Variants in OXR1 observed in about 807,000 individuals in gnomAD.
OXR1 encodes oxidation resistance 1.
Under a neutral mutation model 104.6 loss-of-function variants are expected in OXR1, and 41 were observed. The observed-to-expected ratio is 0.39, with a 90% CI of 0.31 to 0.51. The LOEUF is 0.51. Among genes scored for constraint, OXR1 ranks in the 20% least tolerant of loss-of-function variants. The pLI, the probability that OXR1 is intolerant of heterozygous loss-of-function variation, is 0.77. For missense variants in OXR1, 955 were observed against 1,031.9 expected (o/e 0.93, Z 1.02); for synonymous variants, 348 against 348.4 (o/e 1.00, Z 0.01).
Position 106,616,218 on chromosome 8 carries a change from ATTTTTTTTT to A in OXR1, c.221-62975_221-62967del, listed in dbSNP as rs372788802. 1.0e-4 allele frequency among the ~76,000 whole-genome samples: 10 copies of A among 96,030 alleles called. No homozygotes were observed. In the East Asian group the frequency reaches 1.5e-3, roughly 14 times the overall value. 63.0% of individuals were successfully genotyped at this position (96,030 alleles called of 152,430 possible). A position where few individuals can be genotyped will look rare whatever the true frequency, so the allele number is the denominator to read the frequency against. On this transcript the variant is annotated intron_variant, in intron 3 of 16. Transcript: ENST00000517566. ...CACCATGCCTGGCTAATTTTTTGGA[ATTTTTTTTT>A]TTTTTTTTTTTTTTTTGTAGAGACA...
chr8:106,499,899 A>G lies in OXR1; in HGVS notation c.24-19044A>G, dbSNP rs545889243. On this transcript the variant is annotated intron_variant, in intron 2 of 16. Transcript: ENST00000517566. ...TCTCAGCAGTGACTTGCAATTGCAA[A>G]TCATTGCCTGAATAATTAAGCAGCA... 5.3e-5 allele frequency among the ~76,000 whole-genome samples: 8 copies of G among 152,298 alleles called. No homozygotes were observed. In the South Asian group the frequency reaches 1.2e-3, roughly 24 times the overall value.
chr8:106,307,341 C>G (rs755387782), intron 1 of OXR1, among the ~76,000 whole-genome samples: 1 of 152,126 alleles, frequency 6.6e-6, no homozygotes, highest in Non-Finnish European at 1.5e-5. Flanking sequence ...GGATAACATT[C>G]GAAAGCTTCA....
intron 1 of OXR1, among the ~76,000 whole-genome samples, chr8:106,283,883 C>T (rs906536130): frequency 1.3e-5 from 2 of 152,086 alleles, no homozygotes; most frequent in Admixed American, 6.5e-5. Context: ...TTACTGTGGC[C>T]TTCCTGATGT....
chr8:106,501,354 G>A (rs1811794442), intron 2 of OXR1, among the ~76,000 whole-genome samples: 1 of 152,194 alleles, frequency 6.6e-6, no homozygotes, highest in African/African-American at 2.4e-5. Context: ...GGGAGGAGGA[G>A]CATAGAGATG....
chr8:106,284,913 G>A (rs1349808591), intron 1 of OXR1, among the ~76,000 whole-genome samples: 2 of 152,090 alleles, frequency 1.3e-5, no homozygotes, highest in African/African-American at 4.8e-5. Flanking sequence ...TACTGTTACT[G>A]TAATTGAATT....
At chr8:106,545,889 C>T (rs748684998) in intron 3 of OXR1, among the ~76,000 whole-genome samples, 12 of 151,426 alleles carry the variant, frequency 7.9e-5, no homozygotes, top group Admixed American at 1.3e-4. Flanking sequence ...CCTGCTACTC[C>T]GGAGGCTAAG....
At chr8:106,719,524 A>T (rs1832632526) in intron 11 of OXR1, among the ~76,000 whole-genome samples, 1 of 152,182 alleles carries the variant, frequency 6.6e-6, no homozygotes, top group African/African-American at 2.4e-5. Flanking sequence ...TTGAGTCATG[A>T]TCCAACTAAG....
chr8:106,313,466 T>C (rs752312956), intron 1 of OXR1, among the ~76,000 whole-genome samples: 1 of 152,132 alleles, frequency 6.6e-6, no homozygotes, highest in Admixed American at 6.6e-5. Flanking sequence ...TGATTTTCAT[T>C]TGGGTGTTTT....
At chr8:106,301,122 G>C (rs569032840) in intron 1 of OXR1, among the ~76,000 whole-genome samples, 23 of 152,230 alleles carry the variant, frequency 1.5e-4, no homozygotes, top group South Asian at 8.3e-4. Flanking sequence ...TAGTGTTTTG[G>C]GGGGCATAAC....
intron 3 of OXR1, among the ~76,000 whole-genome samples, chr8:106,579,672 C>G (rs1818098244): frequency 6.6e-6 from 1 of 151,960 alleles, no homozygotes; most frequent in South Asian, 2.1e-4. Flanking sequence ...GGTTACATAA[C>G]TTGTCCAAAA....
At chr8:106,657,794 C>G (rs1825266973) in intron 3 of OXR1, 3 of 1,213,830 alleles carry the variant, frequency 2.5e-6, no homozygotes, top group Non-Finnish European at 2.1e-6. Context: ...GCTCCCCCGA[C>G]GCGTGGTTTC....
chr8:106,360,725 A>G (rs1816207376), intron 2 of OXR1, among the ~76,000 whole-genome samples: 1 of 152,068 alleles, frequency 6.6e-6, no homozygotes. Flanking sequence ...TTTTCTTATT[A>G]TATTATTATT....
At chr8:106,452,457 A>G (rs1188135830) in intron 2 of OXR1, among the ~76,000 whole-genome samples, 1 of 152,194 alleles carries the variant, frequency 6.6e-6, no homozygotes, top group East Asian at 1.9e-4. Flanking sequence ...TTTAATTAAC[A>G]GGAAAATTGT....
intron 2 of OXR1, among the ~76,000 whole-genome samples, chr8:106,412,103 T>C (rs1004111261): frequency 1.3e-5 from 2 of 152,170 alleles, no homozygotes; most frequent in African/African-American, 4.8e-5. Flanking sequence ...TACTCAAAAA[T>C]GTTACCTGCA....
intron 3 of OXR1, among the ~76,000 whole-genome samples, chr8:106,673,149 TC>T (rs1247891706): frequency 6.6e-6 from 1 of 152,172 alleles, no homozygotes; most frequent in Non-Finnish European, 1.5e-5. Context: ...GTTTGGAACT[TC>T]CTAGAAACTT....
chr8:106,736,952 C>T (rs961654109), intron 11 of OXR1, among the ~76,000 whole-genome samples: 1 of 152,106 alleles, frequency 6.6e-6, no homozygotes, highest in African/African-American at 2.4e-5. Context: ...TAATTTTCTA[C>T]TTTCTAGAGC....
intron 16 of OXR1, 43 bp downstream of exon 16, chr8:106,745,905 T>G: frequency 9.7e-7 from 1 of 1,027,798 alleles, no homozygotes; most frequent in Non-Finnish European, 1.5e-6. Context: ...TTGAAGAACT[T>G]TAAAAATGCA....
chr8:106,487,021 C>CTTTTTT (rs11296936), intron 2 of OXR1, among the ~76,000 whole-genome samples: 1 of 129,696 alleles, frequency 7.7e-6, no homozygotes, highest in Non-Finnish European at 1.6e-5. Flanking sequence ...AATCCAGACA[C>CTTTTTT]TTTTTTTTTT....
At chr8:106,529,852 G>T (rs77151111) in intron 3 of OXR1, among the ~76,000 whole-genome samples, 5,040 of 152,238 alleles carry the variant, frequency 0.033, 124 homozygotes, top group Middle Eastern at 0.054. Flanking sequence ...TTTCTAAACT[G>T]CCCAATTAAA....
Sources: allele counts gnomAD v4.1 joint callset (sites outside exome capture counted in the v4.1 genomes callset), GRCh38; gene constraint gnomAD v4.1.1; transcripts MANE v1.5; gene names NCBI Gene and HGNC (gene_info 2026-07-23, HGNC 2026-07-21).